The following DMD variants were observed in gnomAD, a reference collection of about 807,000 sequenced individuals.
DMD encodes the protein mutant dystrophin.
A neutral mutation model predicts 330.1 loss-of-function variants in DMD; 63 were observed. The observed-to-expected ratio is 0.19, with a 90% CI of 0.16 to 0.24. The LOEUF is 0.24. DMD is among the 10% of genes least tolerant of loss of function. The pLI is 1.00. For synonymous variants in DMD, 1,223 were observed against 959.8 expected, an observed-to-expected ratio of 1.27 and a Z score of -5.07; for missense variants, 3,344 against 2,684.1, an observed-to-expected ratio of 1.25 and a Z score of -5.43.
In DMD at chrX:31,580,232, T is replaced by C. The variant is rs77914149; in HGVS notation, c.8217+47441A>G. Among the ~76,000 whole-genome samples, 288 of 112,374 alleles carry C rather than the reference T, an allele frequency of 2.6e-3. 3 individuals are homozygous for C. The East Asian group carries it at 0.073, about 28-fold the overall frequency. Reference sequence around the variant, plus strand: ...TCTTCGAGGGGCCCATGATTCTGCCTACCACAGGGGGAAATAAAACTTGCT... The same window carrying C: ...TCTTCGAGGGGCCCATGATTCTGCCCACCACAGGGGGAAATAAAACTTGCT... On this transcript the variant is annotated intron_variant, in intron 55 of 78. Coordinates refer to ENST00000357033, the MANE Select transcript of DMD (RefSeq NM_004006.3).
chrX:32,032,708 A>G (rs1440650389), intron 44 of DMD, among the ~76,000 whole-genome samples: 1 of 112,114 alleles, frequency 8.9e-6, no homozygotes, highest in Non-Finnish European at 1.9e-5. Flanking sequence ...TCTGATTAGG[A>G]GTCTGTAGGA....
chrX:32,984,846 G>A (rs751756565), intron 2 of DMD, among the ~76,000 whole-genome samples: 2 of 111,421 alleles, frequency 1.8e-5, no homozygotes, highest in East Asian at 2.8e-4. Context: ...CTTACATAGT[G>A]TACTGCTTGT....
At chrX:31,659,639 GAAAAAAAAAAAA>G (rs869195395) in intron 53 of DMD, among the ~76,000 whole-genome samples, 10,755 of 39,954 alleles carry the variant, frequency 0.27, 636 homozygotes, top group Admixed American at 0.44. Flanking sequence ...CTCCATCTCG[GAAAAAAAAAAAA>G]AAAAAAAAAA....
At chrX:32,779,214 G>A (rs1164881109) in intron 7 of DMD, among the ~76,000 whole-genome samples, 1 of 109,801 alleles carries the variant, frequency 9.1e-6, no homozygotes, top group Non-Finnish European at 1.9e-5. Context: ...AGTTTCAAAT[G>A]AAAGTCGTCC....
Position 32,205,328 on chromosome X carries a change from A to G in DMD, c.6438+11588T>C, listed in dbSNP as rs17270989. Among the ~76,000 whole-genome samples, 719 of 106,900 alleles carry G rather than the reference A, an allele frequency of 6.7e-3. 21 individuals carry two copies. In the East Asian group the frequency reaches 0.13, roughly 19 times the overall value. The allele number at this position is 106,900 out of a possible 115,157, so 92.8% of individuals were successfully genotyped here. On this transcript the variant is annotated intron_variant, in intron 44 of 78. Transcript: ENST00000357033. The stretch of plus-strand genomic sequence containing the variant: ...TACCAAGAGTTCCTCTCATCTTGTC[A>G]TTATCATACCACAAGTTTTTCTGAC...
intron 43 of DMD, among the ~76,000 whole-genome samples, chrX:32,238,835 T>C (rs2097197682): frequency 8.9e-6 from 1 of 111,864 alleles, no homozygotes; most frequent in South Asian, 3.8e-4. Context: ...ATGATGAGCC[T>C]TGGTGTAGAT....
At chrX:31,991,285 A>C (rs1158683779) in intron 44 of DMD, among the ~76,000 whole-genome samples, 2 of 111,624 alleles carry the variant, frequency 1.8e-5, no homozygotes, top group Non-Finnish European at 3.8e-5. Flanking sequence ...AATGGATTGG[A>C]ATGGATAATG....
intron 44 of DMD, among the ~76,000 whole-genome samples, chrX:32,182,895 T>C (rs957545445): frequency 1.8e-5 from 2 of 111,737 alleles, no homozygotes; most frequent in African/African-American, 6.5e-5. Context: ...TTCAATCTTT[T>C]GTGTAGCTTT....
At chrX:32,852,137 C>G (rs2081187331) in intron 2 of DMD, among the ~76,000 whole-genome samples, 1 of 111,454 alleles carries the variant, frequency 9.0e-6, no homozygotes, top group African/African-American at 3.3e-5. Context: ...ACTGCTTCTT[C>G]CACTTGAGGA....
intron 1 of DMD, among the ~76,000 whole-genome samples, chrX:33,043,194 C>T (rs1409929532): frequency 1.8e-5 from 2 of 111,863 alleles, no homozygotes; most frequent in African/African-American, 3.2e-5. Flanking sequence ...AAAATGTGAA[C>T]ATGACAAAAG....
rs929225094 is a variant in DMD, at chrX:32,729,990, G to C, written c.650-30697C>G. 1.8e-5 allele frequency among the ~76,000 whole-genome samples: 2 copies of C among 111,640 alleles called. 1 individual carries two copies. The highest frequency in any genetic ancestry group is 1.9e-4 in the Admixed American group (2 of 10,472). Reference sequence around the variant, plus strand: ...TGGTTAAATATTTATAGCTGAGTTAGTCATGTTTTTGGCTTTGGGAAACTG... The same window carrying C: ...TGGTTAAATATTTATAGCTGAGTTACTCATGTTTTTGGCTTTGGGAAACTG... On this transcript the variant is annotated intron_variant, in intron 7 of 78. Coordinates refer to ENST00000357033, the MANE Select transcript of DMD (RefSeq NM_004006.3).
chrX:33,015,550 A>G (rs1341204723), intron 2 of DMD, among the ~76,000 whole-genome samples: 2 of 110,894 alleles, frequency 1.8e-5, no homozygotes, highest in East Asian at 5.7e-4. Flanking sequence ...ATCAGGAAAA[A>G]TAATTAATGG....
intron 45 of DMD, among the ~76,000 whole-genome samples, chrX:31,938,562 T>G (rs996536371): frequency 9.0e-6 from 1 of 111,692 alleles, no homozygotes; most frequent in Non-Finnish European, 1.9e-5. Flanking sequence ...CATTGAAATT[T>G]GCATCCTCAT....
intron 52 of DMD, among the ~76,000 whole-genome samples, chrX:31,698,145 A>G (rs985406324): frequency 6.2e-5 from 7 of 112,146 alleles, no homozygotes; most frequent in African/African-American, 1.9e-4. Context: ...CCCACAGAGT[A>G]CGCCAGAGTT....
chrX:32,251,328 C>T (rs1603629201), intron 43 of DMD, among the ~76,000 whole-genome samples: 1 of 111,154 alleles, frequency 9.0e-6, no homozygotes, highest in East Asian at 2.9e-4. Context: ...GTATCTTGGT[C>T]ACAGATATTT....
At chrX:32,715,863 G>A (rs753951903) in intron 7 of DMD, among the ~76,000 whole-genome samples, 1 of 111,445 alleles carries the variant, frequency 9.0e-6, no homozygotes, top group African/African-American at 3.3e-5. Context: ...ATTAGGCTAA[G>A]TGAAATAAGC....
At chrX:33,112,164 C>T (rs1485258614) in intron 1 of DMD, among the ~76,000 whole-genome samples, 1 of 111,128 alleles carries the variant, frequency 9.0e-6, no homozygotes, top group Non-Finnish European at 1.9e-5. Flanking sequence ...ATAGAGACCA[C>T]ATTCACATAA....
At position 32,509,605 on chromosome X, in the gene DMD, T is replaced by C. The variant is rs146423984; in HGVS notation, c.2293-7763A>G. 1.4e-3 allele frequency among the ~76,000 whole-genome samples: 154 copies of C among 111,947 alleles called. 2 individuals are homozygous for C. In the East Asian group the frequency reaches 0.033, roughly 24 times the overall value. On this transcript the variant is annotated intron_variant, in intron 18 of 78. Transcript: ENST00000357033. ...AAAACTGCTCTTATCAGTCTCACCA[T>C]TGGCCCCCAAGCTACTGCATTCAAT... is the stretch of plus-strand genomic sequence containing the variant.
intron 1 of DMD, among the ~76,000 whole-genome samples, chrX:33,192,338 T>C (rs1298851481): frequency 2.7e-5 from 3 of 112,238 alleles, no homozygotes; most frequent in African/African-American, 9.7e-5. Flanking sequence ...ATGAATAAGA[T>C]GTCAAAAATC....
Sources: gnomAD v4.1 joint callset for allele counts (sites outside exome capture counted in the v4.1 genomes callset) on GRCh38, gnomAD v4.1.1 for gene constraint, MANE v1.5 for transcripts, NCBI Gene and HGNC (gene_info 2026-07-23, HGNC 2026-07-21) for gene names.